Variants in ZBBX observed in about 807,000 individuals in gnomAD.
ZBBX encodes the protein zinc finger B-box domain containing.
ZBBX carries 101 observed loss-of-function variants against 108.5 expected under a neutral mutation model. The observed-to-expected ratio is 0.93, with a 90% CI of 0.79 to 1.10. ZBBX has a LOEUF of 1.10. Ranked by LOEUF, ZBBX falls within the 50% of genes least tolerant of loss-of-function variation. ZBBX has a pLI of 0.00. For missense variants in ZBBX, 1,009 were observed against 941.4 expected, an observed-to-expected ratio of 1.07 and a Z score of -0.94; for synonymous variants, 356 against 323.4, an observed-to-expected ratio of 1.10 and a Z score of -1.08.
At chr3:167,325,750 C>G (rs1216573933) in intron 11 of ZBBX, among the ~76,000 whole-genome samples, 2 of 151,890 alleles carry the variant, frequency 1.3e-5, no homozygotes, top group Non-Finnish European at 2.9e-5. Context: ...TTGTATACCT[C>G]TAATATGTAA....
chr3:167,374,847 G>A (rs946039960), intron 2 of ZBBX, among the ~76,000 whole-genome samples: 1 of 151,304 alleles, frequency 6.6e-6, no homozygotes, highest in Non-Finnish European at 1.5e-5. Flanking sequence ...GAGAAAGGAG[G>A]CTTACAGATA....
At chr3:167,373,895 G>A (rs1342790087) in intron 2 of ZBBX, 108 bp from the exon 3 acceptor site, 1 of 152,028 alleles carries the variant, frequency 6.6e-6, no homozygotes, top group Non-Finnish European at 1.5e-5. Context: ...ATTTATAAGT[G>A]GATCTGCACA....
intron 20 of ZBBX, among the ~76,000 whole-genome samples, chr3:167,264,032 CT>C (rs1339848201): frequency 6.6e-6 from 1 of 152,184 alleles, no homozygotes. Context: ...GCTACTCCTG[CT>C]CTTTTTTGGT....
chr3:167,219,154 A>G, the ZBBX span, among the ~76,000 whole-genome samples: 1 of 152,098 alleles, frequency 6.6e-6, no homozygotes, highest in African/African-American at 2.4e-5. Flanking sequence ...AGAGCTAAAC[A>G]GAGAAATAGA....
At chr3:167,193,928 G>A in the ZBBX span, among the ~76,000 whole-genome samples, 162 of 152,216 alleles carry the variant, frequency 1.1e-3, no homozygotes, top group Middle Eastern at 3.4e-3. Flanking sequence ...AAAATGGTTG[G>A]TCTCATGGAA....
chr3:167,300,859 A>G (rs894218161), intron 17 of ZBBX, among the ~76,000 whole-genome samples: 10 of 144,084 alleles, frequency 6.9e-5, no homozygotes, highest in African/African-American at 2.3e-4. Flanking sequence ...CTTGTGATCC[A>G]CCCACCTCAG....
At chr3:167,406,977 T>C (rs1748604403) in intron 1 of ZBBX, among the ~76,000 whole-genome samples, 1 of 152,310 alleles carries the variant, frequency 6.6e-6, no homozygotes, top group East Asian at 1.9e-4. Context: ...CCTCCTGACA[T>C]AAGAACCAGG....
At chr3:167,199,099 G>A in the ZBBX span, among the ~76,000 whole-genome samples, 2 of 152,154 alleles carry the variant, frequency 1.3e-5, no homozygotes, top group Admixed American at 6.5e-5. Flanking sequence ...TAAGAGAATG[G>A]GGAAGTGAGA....
the ZBBX span, among the ~76,000 whole-genome samples, chr3:167,197,513 G>A: frequency 6.6e-6 from 1 of 151,874 alleles, no homozygotes; most frequent in African/African-American, 2.4e-5. Flanking sequence ...ATTCCAGTCT[G>A]GGCAACAGAG....
chr3:167,348,658 G>C (rs961865195), intron 9 of ZBBX, among the ~76,000 whole-genome samples: 5 of 151,992 alleles, frequency 3.3e-5, no homozygotes, highest in African/African-American at 4.8e-5. Context: ...AAAGGGAGTA[G>C]AGAGAGTCTG....
chr3:167,205,821 A>G, the ZBBX span, among the ~76,000 whole-genome samples: 7 of 152,182 alleles, frequency 4.6e-5, no homozygotes, highest in South Asian at 1.4e-3. Context: ...ATTTATGTTA[A>G]TTAATCTGTA....
the ZBBX span, among the ~76,000 whole-genome samples, chr3:167,216,902 G>T: frequency 6.6e-6 from 1 of 152,172 alleles, no homozygotes; most frequent in African/African-American, 2.4e-5. Flanking sequence ...ATGGTGCTGG[G>T]ATAACTGGTT....
intron 8 of ZBBX, among the ~76,000 whole-genome samples, chr3:167,353,663 T>A (rs559754701): frequency 3.3e-5 from 5 of 151,944 alleles, no homozygotes; most frequent in Admixed American, 6.6e-5. Context: ...ATAAAAATAA[T>A]AATAATAAAT....
intron 17 of ZBBX, among the ~76,000 whole-genome samples, chr3:167,300,480 C>G (rs1732449232): frequency 6.6e-6 from 1 of 152,094 alleles, no homozygotes; most frequent in Non-Finnish European, 1.5e-5. Flanking sequence ...CAGATTGTTT[C>G]CTGAACTAGC....
intron 4 of ZBBX, among the ~76,000 whole-genome samples, chr3:167,369,914 A>G (rs950806182): frequency 1.1e-4 from 16 of 152,224 alleles, no homozygotes; most frequent in Admixed American, 1.0e-3. Context: ...TCAAGGAACT[A>G]GAAGTTCTCT....
the ZBBX span, among the ~76,000 whole-genome samples, chr3:167,204,075 A>G: frequency 4.6e-5 from 7 of 152,176 alleles, no homozygotes; most frequent in African/African-American, 1.4e-4. Context: ...AAGGAATTCA[A>G]TTTAAGTCCT....
the ZBBX span, among the ~76,000 whole-genome samples, chr3:167,187,919 C>T: frequency 6.6e-6 from 1 of 152,134 alleles, no homozygotes; most frequent in Non-Finnish European, 1.5e-5. Flanking sequence ...TTAATATTTG[C>T]AATGCATTCT....
At chr3:167,241,498 A>G (rs577453720) in intron 21 of ZBBX, among the ~76,000 whole-genome samples, 3 of 152,302 alleles carry the variant, frequency 2.0e-5, no homozygotes, top group Admixed American at 2.0e-4. Context: ...TGATGAGAAT[A>G]CTTGTAGGTG....
intron 4 of ZBBX, among the ~76,000 whole-genome samples, chr3:167,369,813 G>T (rs1001428887): frequency 1.3e-4 from 20 of 152,306 alleles, no homozygotes; most frequent in Non-Finnish European, 2.9e-4. Context: ...CCTAAAGGAT[G>T]AAAGGACTTA....
Sources: allele counts gnomAD v4.1 joint callset (sites outside exome capture counted in the v4.1 genomes callset), GRCh38; gene constraint gnomAD v4.1.1; transcripts MANE v1.5; gene names NCBI Gene and HGNC (gene_info 2026-07-23, HGNC 2026-07-21).